DICER1: variants seen among roughly 807,000 people sequenced by gnomAD.
DICER1 encodes the protein dicer 1, ribonuclease III, also known as endoribonuclease Dicer.
In DICER1, 43 loss-of-function variants were observed where a neutral mutation model predicts 194.1. That is an observed-to-expected ratio of 0.22 (90% CI 0.17 to 0.29). DICER1 has a LOEUF of 0.29. Ranked by LOEUF, DICER1 falls within the 10% of genes least tolerant of loss-of-function variation. The pLI is 1.00. For synonymous variants in DICER1, 832 were observed against 820.5 expected, an observed-to-expected ratio of 1.01 and a Z score of -0.24; for missense variants, 1,608 against 2,317.0, an observed-to-expected ratio of 0.69 and a Z score of 6.28.
chr14:95,149,845 A>T (rs576752539), intron 1 of DICER1, among the ~76,000 whole-genome samples: 5,310 of 152,292 alleles, frequency 0.035, 326 homozygotes, highest in African/African-American at 0.12. Context: ...ACACTTTTAA[A>T]TTAAAAGACT....
chr14:95,090,397 A>G lies in DICER1; in HGVS notation c.*101T>C. The G allele has an allele frequency of 7.6e-7, 1 of 1,322,110 alleles. No individual in the cohort carries two copies. The highest frequency in any genetic ancestry group is 2.3e-5 in the East Asian group (1 of 42,914). The allele number at this position is 1,322,110 out of a possible 1,614,324, so 81.9% of individuals were successfully genotyped here. A position where few individuals can be genotyped will look rare whatever the true frequency, so the allele number is the denominator to read the frequency against. The stretch of plus-strand genomic sequence containing the variant: ...AAACTTTAAATTCTGCCTTCAATTC[A>G]TTCCACTCACTAACAACTTTAAGTC... On this transcript the variant is annotated 3_prime_UTR_variant, in exon 27 of 27. Coordinates refer to ENST00000343455, the MANE Select transcript of DICER1 (RefSeq NM_177438.3).
chr14:95,149,625 A>C (rs977578724), intron 1 of DICER1, among the ~76,000 whole-genome samples: 1 of 152,206 alleles, frequency 6.6e-6, no homozygotes, highest in Non-Finnish European at 1.5e-5. Context: ...ATAATCTCAT[A>C]CTATACTCAC....
intron 1 of DICER1, among the ~76,000 whole-genome samples, chr14:95,142,949 A>C (rs1238007193): frequency 6.6e-6 from 1 of 152,246 alleles, no homozygotes; most frequent in Non-Finnish European, 1.5e-5. Context: ...AAAATTGGTG[A>C]CAAAATAATT....
chr14:95,129,362 C>T (rs750383601), intron 6 of DICER1, 110 bp downstream of exon 6: 13 of 997,374 alleles, frequency 1.3e-5, no homozygotes, highest in Non-Finnish European at 2.0e-5. Context: ...CTTTTTACTG[C>T]CATTTGTTCA....
chr14:95,117,360 T>C (rs2140134531), intron 9 of DICER1, among the ~76,000 whole-genome samples: 1 of 152,326 alleles, frequency 6.6e-6, no homozygotes, highest in Non-Finnish European at 1.5e-5. Flanking sequence ...TTGTGTAACA[T>C]CAATCCAATC....
intron 17 of DICER1, among the ~76,000 whole-genome samples, chr14:95,106,485 G>A (rs982765185): frequency 6.6e-6 from 1 of 151,796 alleles, no homozygotes; most frequent in Non-Finnish European, 1.5e-5. Flanking sequence ...GAAGCTAAAT[G>A]GCACCTTTAC....
intron 1 of DICER1, among the ~76,000 whole-genome samples, chr14:95,155,591 G>A (rs201782847): frequency 3.5e-5 from 2 of 57,556 alleles, no homozygotes; most frequent in African/African-American, 4.8e-4. Flanking sequence ...GCAAAATACA[G>A]CAGAGCAGTC....
chr14:95,088,650 C>T lies in DICER1; in HGVS notation c.*1848G>A, dbSNP rs1312740656. ...AAGTCACCTAATTTGCTCAAAAACT[C>T]GTTTAATAATTTAGATCTCAATTTA... On this transcript the variant is annotated 3_prime_UTR_variant, in exon 27 of 27. Coordinates refer to ENST00000343455, the MANE Select transcript of DICER1 (RefSeq NM_177438.3). The T allele has an allele frequency of 1.7e-5, 4 of 232,248 alleles. No individual in the cohort carries two copies. In the East Asian group the frequency reaches 1.8e-4, roughly 11 times the overall value. The allele number at this position is 232,248 out of a possible 1,614,324, so 14.4% of individuals were successfully genotyped here.
At position 95,088,357 on chromosome 14, in the gene DICER1, G is replaced by A. The variant is rs964946139; in HGVS notation, c.*2141C>T. 9 of 232,214 alleles carry A rather than the reference G, an allele frequency of 3.9e-5. No individual in the cohort carries two copies. The highest frequency in any genetic ancestry group is 1.1e-4 in the African/African-American group (5 of 45,346). 14.4% of individuals were successfully genotyped at this position (232,214 alleles called of 1,614,324 possible). On this transcript the variant is annotated 3_prime_UTR_variant, in exon 27 of 27. Coordinates refer to ENST00000343455, the MANE Select transcript of DICER1 (RefSeq NM_177438.3). The stretch of plus-strand genomic sequence containing the variant: ...TGGTGCCAGGAATCAAGAGAATCCC[G>A]TAACACTGGGATCAATGTATTAGAC...
chr14:95,107,554 G>C, intron 17 of DICER1, 54 bp downstream of exon 17: 2 of 1,590,884 alleles, frequency 1.3e-6, no homozygotes, highest in Non-Finnish European at 1.7e-6. Flanking sequence ...CCGACCTAGT[G>C]CATCTTTTAA....
At chr14:95,157,678 G>C (rs937510435), upstream of DICER1, 2 of 152,494 alleles carry the variant, frequency 1.3e-5, no homozygotes, top group Admixed American at 6.5e-5. Flanking sequence ...GCGCGCGCGC[G>C]GAGGCCGGAG....
At chr14:95,110,741 G>T (rs1891883441) in intron 14 of DICER1, among the ~76,000 whole-genome samples, 2 of 152,118 alleles carry the variant, frequency 1.3e-5, no homozygotes. Flanking sequence ...TCTATTACTA[G>T]AAGTTAGATT....
intron 2 of DICER1, 123 bp downstream of exon 2, chr14:95,133,192 G>T: frequency 1.0e-6 from 1 of 966,314 alleles, no homozygotes; most frequent in Non-Finnish European, 1.6e-6. Flanking sequence ...TTTTAAATGA[G>T]AAAATTAATC....
intron 3 of DICER1, among the ~76,000 whole-genome samples, chr14:95,132,047 ATATTTTT>A (rs955129290): frequency 6.6e-6 from 1 of 152,226 alleles, no homozygotes; most frequent in African/African-American, 2.4e-5. Context: ...TTCACATTTT[ATATTTTT>A]TATTTTTATA....
intron 1 of DICER1, among the ~76,000 whole-genome samples, chr14:95,156,478 A>G (rs1405455204): frequency 1.4e-4 from 22 of 152,198 alleles, no homozygotes; most frequent in Admixed American, 1.4e-3. Flanking sequence ...CTAAGGACAC[A>G]CTCAGTGGTT....
chr14:95,127,617 C>T (rs891457439), intron 6 of DICER1, among the ~76,000 whole-genome samples: 2 of 152,180 alleles, frequency 1.3e-5, no homozygotes, highest in South Asian at 4.1e-4. Flanking sequence ...CAGTTCATCA[C>T]AAGGTCAGAT....
chr14:95,091,654 G>T (rs912970419), intron 24 of DICER1, among the ~76,000 whole-genome samples: 1 of 151,854 alleles, frequency 6.6e-6, no homozygotes, highest in Non-Finnish European at 1.5e-5. Context: ...CCTTAACAAA[G>T]AATTAGAAAT....
chr14:95,091,842 T>G (rs1199388868), intron 24 of DICER1, among the ~76,000 whole-genome samples: 1 of 152,168 alleles, frequency 6.6e-6, no homozygotes, highest in Non-Finnish European at 1.5e-5. Flanking sequence ...ATAGGGAAAT[T>G]ATATTTGAAA....
At chr14:95,093,057 T>G (rs1407280984) in intron 24 of DICER1, among the ~76,000 whole-genome samples, 2 of 152,176 alleles carry the variant, frequency 1.3e-5, no homozygotes, top group African/African-American at 4.8e-5. Context: ...ATTTTTGTCA[T>G]AGAAAGTCAC....
Sources: allele counts gnomAD v4.1 joint callset (sites outside exome capture counted in the v4.1 genomes callset), GRCh38; gene constraint gnomAD v4.1.1; transcripts MANE v1.5; gene names NCBI Gene and HGNC (gene_info 2026-07-23, HGNC 2026-07-21).